Variants in ADAMTS17 observed in about 807,000 individuals in gnomAD.
ADAMTS17 encodes the protein ADAM metallopeptidase with thrombospondin type 1 motif 17.
ADAMTS17 carries 113 observed loss-of-function variants against 141.5 expected under a neutral mutation model. That is an observed-to-expected ratio of 0.80 (90% CI 0.69 to 0.93). The LOEUF (loss-of-function observed/expected upper bound fraction) is 0.93. Ranked by LOEUF, ADAMTS17 falls within the 40% of genes least tolerant of loss-of-function variation. The pLI is 0.00. For missense variants in ADAMTS17, 1,659 were observed against 1,517.9 expected (o/e 1.09, Z -1.54); for synonymous variants, 768 against 630.6 (o/e 1.22, Z -3.27).
At chr15:100,151,970 C>T (rs2039187984) in intron 10 of ADAMTS17, among the ~76,000 whole-genome samples, 1 of 152,172 alleles carries the variant, frequency 6.6e-6, no homozygotes, top group Non-Finnish European at 1.5e-5. Flanking sequence ...AAGCCTTTTT[C>T]AATGTTTGCT....
chr15:100,058,929 C>T (rs954990472), intron 15 of ADAMTS17, among the ~76,000 whole-genome samples: 1 of 152,222 alleles, frequency 6.6e-6, no homozygotes, highest in African/African-American at 2.4e-5. Context: ...TACTGGACAA[C>T]AGAGTGCTAG....
intron 3 of ADAMTS17, among the ~76,000 whole-genome samples, chr15:100,315,708 A>G (rs941457081): frequency 6.6e-6 from 1 of 151,972 alleles, no homozygotes; most frequent in Non-Finnish European, 1.5e-5. Flanking sequence ...AGGCCTAAAA[A>G]TACACTAAAA....
chr15:100,020,355 C>G (rs11854389), intron 18 of ADAMTS17, among the ~76,000 whole-genome samples: 58,458 of 152,108 alleles, frequency 0.38, 13,950 homozygotes, highest in Non-Finnish European at 0.54. Context: ...CCTGTAAGGG[C>G]GACACAGGGG....
rs567543370 is a variant in ADAMTS17, at chr15:100,122,970, C to T, written c.1722-5957G>A. 3.9e-5 allele frequency among the ~76,000 whole-genome samples: 6 copies of T among 152,312 alleles called. No individual in the cohort carries two copies. In the South Asian group the frequency reaches 6.2e-4, roughly 16 times the overall value. ...AACAGAAAGAGGCATCCTCCATCTG[C>T]GGCATAGAGAAGACAGAAGGAGAAT... is the stretch of plus-strand genomic sequence containing the variant. On this transcript the variant is annotated intron_variant, in intron 12 of 21. Transcript: ENST00000268070.
chr15:100,170,416 C>G (rs1001711735), intron 8 of ADAMTS17, among the ~76,000 whole-genome samples: 1 of 152,030 alleles, frequency 6.6e-6, no homozygotes, highest in African/African-American at 2.4e-5. Flanking sequence ...CGCGGAAAGT[C>G]CCTCAGCACG....
chr15:100,322,983 A>C (rs1476588443), intron 3 of ADAMTS17, among the ~76,000 whole-genome samples: 1 of 148,634 alleles, frequency 6.7e-6, no homozygotes, highest in Non-Finnish European at 1.5e-5. Context: ...GCTACTCAGG[A>C]GGCTGAGGCA....
intron 14 of ADAMTS17, among the ~76,000 whole-genome samples, chr15:100,099,459 T>C (rs560777831): frequency 7.9e-5 from 12 of 152,284 alleles, no homozygotes; most frequent in Non-Finnish European, 1.8e-4. Context: ...AGGGGAGCTT[T>C]GATGATTGTA....
At chr15:100,007,880 C>T (rs2061068626) in intron 18 of ADAMTS17, among the ~76,000 whole-genome samples, 1 of 152,114 alleles carries the variant, frequency 6.6e-6, no homozygotes, top group Non-Finnish European at 1.5e-5. Flanking sequence ...ATCATCCAGA[C>T]AGCGCAGACA....
intron 10 of ADAMTS17, among the ~76,000 whole-genome samples, chr15:100,150,456 C>T (rs2039107936): frequency 6.6e-6 from 1 of 152,102 alleles, no homozygotes; most frequent in Admixed American, 6.5e-5. Context: ...CTTCTATATT[C>T]TCATCTGTTA....
chr15:100,180,693 T>A (rs538962300), intron 8 of ADAMTS17, among the ~76,000 whole-genome samples: 4 of 152,342 alleles, frequency 2.6e-5, no homozygotes, highest in East Asian at 3.9e-4. Context: ...CTTCAATAGC[T>A]TGCATCAGTG....
At position 100,262,406 on chromosome 15, in the gene ADAMTS17, C is replaced by G; in HGVS notation, c.819G>C (p.Leu273=). Residue 273 remains leucine, a synonymous_variant, in exon 5 of 22, where the codon CTG becomes CTC. Coordinates refer to ENST00000268070, the MANE Select transcript of ADAMTS17 (RefSeq NM_139057.4). The part of the protein sequence containing the change: ...MVYNMFQHQS[L]GIKINIQVTK... ...TCACTTGAATGTTAATTTTAATCCCCAGGCTCTGGTGCTGAAACATATTGT... is the reference window on the plus strand; with the variant it reads ...TCACTTGAATGTTAATTTTAATCCCGAGGCTCTGGTGCTGAAACATATTGT... The G allele has an allele frequency of 1.2e-6, 2 of 1,613,848 alleles. No individual in the cohort carries two copies. Among genetic ancestry groups the G allele is most frequent in the Non-Finnish European group, 1.7e-6 (2 of 1,179,912 alleles).
At chr15:99,977,461 G>C (rs923399578) in intron 20 of ADAMTS17, among the ~76,000 whole-genome samples, 3 of 132,370 alleles carry the variant, frequency 2.3e-5, no homozygotes, top group African/African-American at 5.9e-5. Context: ...ACCCAGGCTG[G>C]AGTGCAGTGG....
intron 18 of ADAMTS17, among the ~76,000 whole-genome samples, chr15:100,023,424 C>A (rs560901580): frequency 2.0e-5 from 3 of 151,784 alleles, no homozygotes; most frequent in Admixed American, 1.3e-4. Flanking sequence ...AGGCTGGTCT[C>A]GAACCTCCTG....
intron 13 of ADAMTS17, among the ~76,000 whole-genome samples, chr15:100,116,150 A>AT (rs1309601004): frequency 2.0e-5 from 3 of 151,350 alleles, no homozygotes; most frequent in African/African-American, 7.3e-5. Context: ...AAAAAAAAAA[A>AT]AAAAAAAACC....
intron 20 of ADAMTS17, among the ~76,000 whole-genome samples, chr15:99,992,751 G>C (rs575403525): frequency 1.2e-4 from 18 of 152,348 alleles, no homozygotes; most frequent in Middle Eastern, 3.4e-3. Context: ...GGCAAGCCTG[G>C]CATCCAGGGC....
In ADAMTS17 at chr15:99,993,500, A is replaced by G. The variant is rs1439988408; in HGVS notation, c.2797-300T>C. Among the ~76,000 whole-genome samples, 1 of 152,128 alleles carries G rather than the reference A, an allele frequency of 6.6e-6. No homozygotes were observed. The highest frequency in any genetic ancestry group is 1.5e-5 in the Non-Finnish European group (1 of 68,030). ...TCAGTGGCCACTTGTCGGGTCCAAAAGCTCAAGGCAATACGTGAGCTCGAA... is the reference window on the plus strand; with the variant it reads ...TCAGTGGCCACTTGTCGGGTCCAAAGGCTCAAGGCAATACGTGAGCTCGAA... On this transcript the variant is annotated intron_variant, in intron 19 of 21. Coordinates refer to ENST00000268070, the MANE Select transcript of ADAMTS17 (RefSeq NM_139057.4). This position sits in a 1 kb window ranked among gnomAD's most constrained non-coding sequence, Gnocchi z 4.3.
chr15:100,310,755 G>A (rs1385200673), intron 3 of ADAMTS17, among the ~76,000 whole-genome samples: 1 of 152,164 alleles, frequency 6.6e-6, no homozygotes. Flanking sequence ...AAGCTTCATT[G>A]TCCAGCTCCA....
At chr15:100,308,911 C>G (rs2045315315) in intron 3 of ADAMTS17, among the ~76,000 whole-genome samples, 1 of 152,212 alleles carries the variant, frequency 6.6e-6, no homozygotes, top group African/African-American at 2.4e-5. Context: ...AATCCCTGTT[C>G]CTGTTTCTTC....
At chr15:100,156,838 C>A (rs2039459414) in intron 8 of ADAMTS17, among the ~76,000 whole-genome samples, 1 of 152,190 alleles carries the variant, frequency 6.6e-6, no homozygotes, top group African/African-American at 2.4e-5. Context: ...CACACACATG[C>A]ACATATAAAA....
Sources: gnomAD v4.1 joint callset for allele counts (sites outside exome capture counted in the v4.1 genomes callset) on GRCh38, gnomAD v4.1.1 for gene constraint, Gnocchi (gnomAD v3.1) non-coding constraint, MANE v1.5 for transcripts, NCBI Gene and HGNC (gene_info 2026-07-23, HGNC 2026-07-21) for gene names.